MCTP1: variants seen among roughly 807,000 people sequenced by gnomAD.
MCTP1 encodes multiple C2 and transmembrane domain-containing protein 1.
In MCTP1, 69 loss-of-function variants were observed where a neutral mutation model predicts 120.6. The observed-to-expected ratio is 0.57, with a 90% CI of 0.47 to 0.70. The LOEUF (loss-of-function observed/expected upper bound fraction) is 0.70, where lower values mean the gene tolerates loss of function less well. Among genes scored for constraint, MCTP1 ranks in the 30% least tolerant of loss-of-function variants. The pLI is 0.00. For missense variants in MCTP1, 1,203 were observed against 1,248.8 expected, an observed-to-expected ratio of 0.96 and a Z score of 0.55; for synonymous variants, 529 against 493.1, an observed-to-expected ratio of 1.07 and a Z score of -0.96.
chr5:95,128,939 T>C lies in MCTP1; in HGVS notation c.721-111455A>G, dbSNP rs1196204885. ...AGTGGCAACCTGGGGAACACCAACATTTAAGCAGCAAGAGGAATAAGAAAC... is the reference window on the plus strand; with the variant it reads ...AGTGGCAACCTGGGGAACACCAACACTTAAGCAGCAAGAGGAATAAGAAAC... On this transcript the variant is annotated intron_variant, in intron 1 of 22. Coordinates refer to ENST00000515393, the MANE Select transcript of MCTP1 (RefSeq NM_024717.7). Among the ~76,000 whole-genome samples the C allele has an allele frequency of 2.0e-5, 3 of 152,064 alleles. No individual in the cohort carries two copies. In the South Asian group the frequency reaches 6.2e-4, roughly 32 times the overall value.
intron 2 of MCTP1, among the ~76,000 whole-genome samples, chr5:94,987,110 A>G (rs769595648): frequency 1.3e-5 from 2 of 151,636 alleles, no homozygotes; most frequent in Non-Finnish European, 2.9e-5. Flanking sequence ...AATATTTTCA[A>G]CCCCCAGTTG....
At chr5:95,171,869 C>T (rs1747344672) in intron 1 of MCTP1, among the ~76,000 whole-genome samples, 1 of 152,128 alleles carries the variant, frequency 6.6e-6, no homozygotes, top group African/African-American at 2.4e-5. Context: ...ACTCCTTTAG[C>T]TCGGAGGAGT....
At chr5:94,990,878 C>G (rs1216568843) in intron 2 of MCTP1, among the ~76,000 whole-genome samples, 1 of 119,320 alleles carries the variant, frequency 8.4e-6, no homozygotes, top group Non-Finnish European at 2.1e-5. Flanking sequence ...ATTCTGAGGC[C>G]CTCCTGGTTA....
intron 9 of MCTP1, among the ~76,000 whole-genome samples, chr5:94,912,475 C>G (rs1808967780): frequency 8.6e-6 from 1 of 115,830 alleles, no homozygotes; most frequent in Admixed American, 9.1e-5. Context: ...AAGCCGCACT[C>G]TGAGTACTTT....
intron 2 of MCTP1, among the ~76,000 whole-genome samples, chr5:95,015,013 G>A (rs1279442128): frequency 6.6e-6 from 1 of 152,084 alleles, no homozygotes; most frequent in Non-Finnish European, 1.5e-5. Flanking sequence ...AGGCTCAGAT[G>A]ATTGTTAGCA....
At chr5:94,923,168 A>G (rs1487889336) in intron 7 of MCTP1, among the ~76,000 whole-genome samples, 1 of 152,212 alleles carries the variant, frequency 6.6e-6, no homozygotes, top group Non-Finnish European at 1.5e-5. Flanking sequence ...GGTAGTTTTC[A>G]ATAATGAAAA....
At chr5:95,057,631 C>T (rs1000781973) in intron 1 of MCTP1, among the ~76,000 whole-genome samples, 1 of 152,162 alleles carries the variant, frequency 6.6e-6, no homozygotes, top group African/African-American at 2.4e-5. Flanking sequence ...AAATAGCTTC[C>T]AAACTTCCTG....
At chr5:95,067,180 G>A (rs976166267) in intron 1 of MCTP1, among the ~76,000 whole-genome samples, 1 of 152,142 alleles carries the variant, frequency 6.6e-6, no homozygotes, top group Non-Finnish European at 1.5e-5. Flanking sequence ...TGGATACAAA[G>A]TTATACACAG....
In MCTP1 at chr5:95,243,085, T is replaced by C. The variant is rs551049927; in HGVS notation, c.720+40771A>G. Among the ~76,000 whole-genome samples, 3 of 152,208 alleles carry C rather than the reference T, an allele frequency of 2.0e-5. No individual in the cohort carries two copies. In the South Asian group the frequency reaches 6.2e-4, roughly 32 times the overall value. ...GAGGACCCTGACTTCCTCTTAAGACTGTGATACAAGGGAAATTTGGCTTTG... is the reference window on the plus strand; with the variant it reads ...GAGGACCCTGACTTCCTCTTAAGACCGTGATACAAGGGAAATTTGGCTTTG... On this transcript the variant is annotated intron_variant, in intron 1 of 22. Transcript: ENST00000515393.
intron 12 of MCTP1, among the ~76,000 whole-genome samples, chr5:94,878,484 T>C (rs1799385844): frequency 6.6e-6 from 1 of 152,118 alleles, no homozygotes; most frequent in African/African-American, 2.4e-5. Flanking sequence ...CCTAGAGTTG[T>C]GGCTTTCAAC....
intron 1 of MCTP1, among the ~76,000 whole-genome samples, chr5:95,073,626 G>T (rs941290128): frequency 6.6e-6 from 1 of 152,152 alleles, no homozygotes; most frequent in African/African-American, 2.4e-5. Context: ...TAGGAGGTGG[G>T]AGCACACTGG....
At position 94,965,847 on chromosome 5, in the gene MCTP1, C is replaced by A. The variant is rs371962837; in HGVS notation, c.839-12486G>T. ...GGATTTGAGGGGATGTTTTCCCCTT[C>A]TGTCTCTTCTGCCACGTGAGGACAC... On this transcript the variant is annotated intron_variant, in intron 2 of 22. Coordinates refer to ENST00000515393, the MANE Select transcript of MCTP1 (RefSeq NM_024717.7). 1.5e-3 allele frequency among the ~76,000 whole-genome samples: 234 copies of A among 152,296 alleles called. 2 individuals carry two copies. Among genetic ancestry groups the A allele is most frequent in the Admixed American group, 5.0e-3 (77 of 15,298 alleles).
At chr5:95,154,682 A>G (rs1051841789) in intron 1 of MCTP1, among the ~76,000 whole-genome samples, 1 of 152,226 alleles carries the variant, frequency 6.6e-6, no homozygotes, top group African/African-American at 2.4e-5. Context: ...AAGATTGCCT[A>G]AAATGCCTAC....
intron 1 of MCTP1, among the ~76,000 whole-genome samples, chr5:95,088,288 A>T (rs1269391550): frequency 6.6e-6 from 1 of 152,162 alleles, no homozygotes; most frequent in Non-Finnish European, 1.5e-5. Flanking sequence ...TCTCACTCTA[A>T]CCCCGTGGCC....
rs191256711 is a variant in MCTP1 at position 94,788,578 on chromosome 5, A to C, written c.2557-9415T>G. Among the ~76,000 whole-genome samples the C allele has an allele frequency of 2.0e-3, 311 of 152,166 alleles. 3 individuals carry two copies. The highest frequency in any genetic ancestry group is 0.011 in the South Asian group (55 of 4,822). On this transcript the variant is annotated intron_variant, in intron 18 of 22. Coordinates refer to ENST00000515393, the MANE Select transcript of MCTP1 (RefSeq NM_024717.7). The stretch of plus-strand genomic sequence containing the variant: ...TCTCTGCTACCATCACCCTTCCCCC[A>C]CCACCACCAAACAGAGAACAATGAT...
intron 1 of MCTP1, among the ~76,000 whole-genome samples, chr5:95,194,740 G>A (rs933329097): frequency 1.3e-5 from 2 of 152,156 alleles, no homozygotes; most frequent in African/African-American, 2.4e-5. Flanking sequence ...GAGAGAATAA[G>A]GAAACCAAAA....
chr5:94,780,641 C>T (rs755215066), intron 18 of MCTP1, among the ~76,000 whole-genome samples: 2 of 152,244 alleles, frequency 1.3e-5, no homozygotes, highest in East Asian at 3.9e-4. Flanking sequence ...ACACTTACTT[C>T]GGAGACATAT....
chr5:95,208,937 T>G (rs1043169710), intron 1 of MCTP1, among the ~76,000 whole-genome samples: 1 of 152,142 alleles, frequency 6.6e-6, no homozygotes, highest in Non-Finnish European at 1.5e-5. Flanking sequence ...TTTAATCTGT[T>G]TCTTCTCATG....
chr5:95,145,910 G>T (rs1185409961), intron 1 of MCTP1, among the ~76,000 whole-genome samples: 1 of 152,160 alleles, frequency 6.6e-6, no homozygotes, highest in African/African-American at 2.4e-5. Context: ...CATAAAATCA[G>T]TTAGGGAGGA....
Sources: gnomAD v4.1 joint callset for allele counts (sites outside exome capture counted in the v4.1 genomes callset) on GRCh38, gnomAD v4.1.1 for gene constraint, MANE v1.5 for transcripts, NCBI Gene and HGNC (gene_info 2026-07-23, HGNC 2026-07-21) for gene names.